MFN1: variants seen among roughly 807,000 people sequenced by gnomAD.
The protein encoded by MFN1 is mitofusin-1.
A neutral mutation model predicts 92.4 loss-of-function variants in MFN1; 65 were observed. The ratio of observed to expected loss-of-function variants is 0.70; its 90% confidence interval spans 0.58 to 0.86. MFN1 has a LOEUF of 0.86. Ranked by LOEUF, MFN1 falls within the 40% of genes least tolerant of loss-of-function variation. The probability of loss-of-function intolerance (pLI) is 0.00; values close to 1 mark genes in which losing one functional copy is unlikely to be tolerated. For synonymous variants in MFN1, 297 were observed against 300.9 expected (o/e 0.99, Z 0.13); for missense variants, 781 against 868.0 (o/e 0.90, Z 1.26).
rs150297288 is a variant in MFN1 at position 179,367,165 on chromosome 3, A to C, written c.754-274A>C. Among the ~76,000 whole-genome samples, 1,575 of 152,356 alleles carry C rather than the reference A, an allele frequency of 0.01. 54 individuals are homozygous for C. In the South Asian group the frequency reaches 0.11, roughly 11 times the overall value. On this transcript the variant is annotated intron_variant, in intron 7 of 17. Coordinates refer to ENST00000471841, the MANE Select transcript of MFN1 (RefSeq NM_033540.3). ...CTGTTCTCAAACTCCTGACCTCGTG[A>C]TCTGCCCGCCTTGGCCTCCCAAAGT...
intron 5 of MFN1, among the ~76,000 whole-genome samples, chr3:179,363,911 C>T (rs1005315692): frequency 1.3e-5 from 2 of 152,034 alleles, no homozygotes; most frequent in African/African-American, 4.8e-5. Context: ...TAACTTTTTA[C>T]AAATATTTAT....
chr3:179,376,807 A>G, intron 10 of MFN1: 1 of 320,106 alleles, frequency 3.1e-6, no homozygotes, highest in East Asian at 6.3e-5. Context: ...TAGAATTCTT[A>G]TTCATCCTTT....
Position 179,385,787 on chromosome 3 carries a change from A to G in MFN1, c.1815+66A>G. The G allele has an allele frequency of 3.4e-6, 5 of 1,459,992 alleles. No homozygotes were observed. In the South Asian group the frequency reaches 5.9e-5, roughly 17 times the overall value. The allele number at this position is 1,459,992 out of a possible 1,614,324, so 90.4% of individuals were successfully genotyped here. On this transcript the variant is annotated intron_variant, in intron 15 of 17. Coordinates refer to ENST00000471841, the MANE Select transcript of MFN1 (RefSeq NM_033540.3). ...TTGCAAGGCTGCCTGTTAGCTCACA[A>G]AAGAAAAGGTATACAGTATTTACTT...
chr3:179,378,527 A>T lies in MFN1; in HGVS notation c.1433-58A>T. 3.9e-6 allele frequency: 6 copies of T among 1,539,324 alleles called. No homozygotes were observed. The South Asian group carries it at 7.0e-5, about 18-fold the overall frequency. Reference sequence around the variant, plus strand: ...GAGCTTATTTTCCTTTAGGCATTCCATTGAAGGTAAAACATTTACCATTCT... The same window carrying T: ...GAGCTTATTTTCCTTTAGGCATTCCTTTGAAGGTAAAACATTTACCATTCT... On this transcript the variant is annotated intron_variant, in intron 13 of 17. Coordinates refer to ENST00000471841, the MANE Select transcript of MFN1 (RefSeq NM_033540.3).
intron 14 of MFN1, among the ~76,000 whole-genome samples, chr3:179,384,310 C>T (rs1488579303): frequency 6.6e-6 from 1 of 152,084 alleles, no homozygotes; most frequent in Non-Finnish European, 1.5e-5. Flanking sequence ...TGTGGACGTG[C>T]GTTTTCATTT....
chr3:179,353,019 T>G (rs945141846), intron 3 of MFN1, among the ~76,000 whole-genome samples: 10 of 151,596 alleles, frequency 6.6e-5, no homozygotes, highest in African/African-American at 2.4e-4. Flanking sequence ...CCCAAAGTGT[T>G]GGAATTACAG....
intron 9 of MFN1, among the ~76,000 whole-genome samples, chr3:179,373,188 T>C (rs535654183): frequency 6.6e-6 from 1 of 152,308 alleles, no homozygotes; most frequent in South Asian, 2.1e-4. Context: ...CTAAATAATC[T>C]GTTTTGTTTT....
At chr3:179,381,258 G>C (rs1412399086) in intron 14 of MFN1, among the ~76,000 whole-genome samples, 1 of 152,208 alleles carries the variant, frequency 6.6e-6, no homozygotes, top group Non-Finnish European at 1.5e-5. Flanking sequence ...TTGTTAAAGA[G>C]GCAAGTAGGT....
At chr3:179,383,044 T>C (rs1256701549) in intron 14 of MFN1, among the ~76,000 whole-genome samples, 4 of 152,208 alleles carry the variant, frequency 2.6e-5, no homozygotes, top group Non-Finnish European at 4.4e-5. Context: ...TGGTAGTTTC[T>C]TTTGCTGTGC....
intron 14 of MFN1, among the ~76,000 whole-genome samples, chr3:179,380,719 C>T (rs1341500784): frequency 6.6e-5 from 10 of 152,160 alleles, no homozygotes; most frequent in African/African-American, 2.4e-4. Context: ...ATGCTAGCAG[C>T]AGTGAACTGA....
At chr3:179,351,823 C>G in intron 2 of MFN1, 77 bp from the exon 3 acceptor site, 1 of 1,364,492 alleles carries the variant, frequency 7.3e-7, no homozygotes, top group Non-Finnish European at 9.9e-7. Flanking sequence ...AAAATACATA[C>G]AATCTTAGGT....
At chr3:179,352,446 AGGAC>A (rs1712184954) in intron 3 of MFN1, among the ~76,000 whole-genome samples, 1 of 152,248 alleles carries the variant, frequency 6.6e-6, no homozygotes, top group South Asian at 2.1e-4. Context: ...ACTATTTCCA[AGGAC>A]TTTCTAGAAA....
chr3:179,391,872 T>C (rs1409665221), intron 17 of MFN1, 109 bp from the exon 18 acceptor site: 1 of 673,746 alleles, frequency 1.5e-6, no homozygotes, highest in Non-Finnish European at 2.6e-6. Context: ...CTGTCTGTTA[T>C]GCTCTTCATT....
chr3:179,350,672 A>AAAATAAAATGAAAAGCAAAAAAT (rs1553845070), intron 2 of MFN1, among the ~76,000 whole-genome samples: 3 of 152,210 alleles, frequency 2.0e-5, no homozygotes, highest in Non-Finnish European at 4.4e-5. Context: ...ATGAAAAGCA[A>AAAATAAAATGAAAAGCAAAAAAT]AAATAAATGT....
chr3:179,351,350 A>G (rs1165382523), intron 2 of MFN1, among the ~76,000 whole-genome samples: 1 of 152,226 alleles, frequency 6.6e-6, no homozygotes, highest in African/African-American at 2.4e-5. Context: ...ATGGCTGTAG[A>G]TAGGATACAA....
At chr3:179,383,381 A>T (rs537372037) in intron 14 of MFN1, among the ~76,000 whole-genome samples, 1 of 151,984 alleles carries the variant, frequency 6.6e-6, no homozygotes, top group Non-Finnish European at 1.5e-5. Flanking sequence ...ATAGTTGTAG[A>T]TGTGTGGTAT....
At chr3:179,353,812 T>C (rs1712247374) in intron 3 of MFN1, among the ~76,000 whole-genome samples, 1 of 152,266 alleles carries the variant, frequency 6.6e-6, no homozygotes, top group East Asian at 1.9e-4. Context: ...TTTCCCATCG[T>C]AGGGCTTTTG....
chr3:179,349,869 C>G (rs913204523), intron 2 of MFN1, among the ~76,000 whole-genome samples: 1 of 151,734 alleles, frequency 6.6e-6, no homozygotes, highest in Non-Finnish European at 1.5e-5. Flanking sequence ...ATGTACCTCT[C>G]GGCCAGGCGC....
rs1038935778 is a variant in MFN1 at position 179,394,488 on chromosome 3, T to C, written c.*2429T>C. On this transcript the variant is annotated 3_prime_UTR_variant, in exon 18 of 18. Transcript: ENST00000471841. ...TGGAGTGCAGTGGCGCGATCTCGGC[T>C]CACTGCAAGCTCCGCCTCCCGGGTT... 6.6e-5 allele frequency: 9 copies of C among 136,142 alleles called. No homozygotes were observed. Among genetic ancestry groups the C allele is most frequent in the Non-Finnish European group, 1.2e-4 (8 of 65,294 alleles). 8.4% of individuals were successfully genotyped at this position (136,142 alleles called of 1,614,324 possible). A position where few individuals can be genotyped will look rare whatever the true frequency, so the allele number is the denominator to read the frequency against.
Sources: allele counts gnomAD v4.1 joint callset (sites outside exome capture counted in the v4.1 genomes callset), GRCh38; gene constraint gnomAD v4.1.1; transcripts MANE v1.5; gene names NCBI Gene and HGNC (gene_info 2026-07-23, HGNC 2026-07-21).